The following PLPP4 variants were observed in gnomAD, a reference collection of about 807,000 sequenced individuals.
The protein encoded by PLPP4 is diacylglycerol pyrophosphate like 2.
PLPP4 carries 20 observed loss-of-function variants against 32.2 expected under a neutral mutation model. That is an observed-to-expected ratio of 0.62 (90% CI 0.44 to 0.90). The LOEUF is 0.90. PLPP4 is among the 40% of genes least tolerant of loss of function. The pLI is 0.00. For missense variants in PLPP4, 257 were observed against 353.1 expected (o/e 0.73, Z 2.18); for synonymous variants, 127 against 133.0 (o/e 0.95, Z 0.31).
At chr10:120,497,570 C>T (rs1260754015) in intron 1 of PLPP4, among the ~76,000 whole-genome samples, 1 of 152,088 alleles carries the variant, frequency 6.6e-6, no homozygotes, top group Admixed American at 6.5e-5. Flanking sequence ...AATTGCTTGG[C>T]ATAAAGTTAG....
chr10:120,509,527 T>TA (rs1319641025), intron 2 of PLPP4, among the ~76,000 whole-genome samples: 1 of 152,190 alleles, frequency 6.6e-6, no homozygotes, highest in South Asian at 2.1e-4. Context: ...GTTCAATATA[T>TA]AATCTCTGCC....
At position 120,522,887 on chromosome 10, in the gene PLPP4, CA is replaced by C. The variant is rs201534540; in HGVS notation, c.445+1798del. 4.7e-3 allele frequency among the ~76,000 whole-genome samples: 716 copies of C among 151,886 alleles called. 4 individuals carry two copies. Among genetic ancestry groups the C allele is most frequent in the African/African-American group, 0.016 (678 of 41,442 alleles). On this transcript the variant is annotated intron_variant, in intron 5 of 6. Transcript: ENST00000398250. The stretch of plus-strand genomic sequence containing the variant: ...AAAGAATGAACACTGTTTTACATGC[CA>C]AAAAAGAAAAAGGAAAAGTAAAAGG...
chr10:120,539,471 T>C (rs1002218393), intron 5 of PLPP4, among the ~76,000 whole-genome samples: 1 of 152,166 alleles, frequency 6.6e-6, no homozygotes, highest in Non-Finnish European at 1.5e-5. Context: ...ATTCCCTCTC[T>C]GCCTTCCCAG....
Position 120,503,897 on chromosome 10 carries a change from T to G in PLPP4, c.136T>G (p.Ser46Ala). ...GCTCTATAAAAATCCTTTGGTGCAA[T>G]CAGATAACATACCTACCCGCCTCAT... ...IWLYKNPLVQ[S>A]DNIPTRLMFA... The change falls in exon 2 of 7, where the codon TCA (serine) becomes GCA (alanine). Residue 46 changes from serine to alanine, a missense_variant. Transcript: ENST00000398250. 6.2e-7 allele frequency: 1 copy of G among 1,612,152 alleles called. No individual in the cohort carries two copies.
chr10:120,472,178 T>C lies in PLPP4; in HGVS notation c.56+14817T>C, dbSNP rs993830557. 2.6e-5 allele frequency among the ~76,000 whole-genome samples: 4 copies of C among 152,256 alleles called. No homozygotes were observed. The East Asian group carries it at 7.7e-4, about 29-fold the overall frequency. On this transcript the variant is annotated intron_variant, in intron 1 of 6. Transcript: ENST00000398250. ...AACATATTTATCATTCTCAATGTTC[T>C]TTATCAGTTCGGTTAGATTTGGTTT...
intron 5 of PLPP4, among the ~76,000 whole-genome samples, chr10:120,552,004 A>C (rs1206421535): frequency 6.6e-6 from 1 of 152,090 alleles, no homozygotes; most frequent in Admixed American, 6.6e-5. Context: ...CCAAAACCCA[A>C]GTGTGTCTTA....
intron 5 of PLPP4, among the ~76,000 whole-genome samples, chr10:120,545,955 C>G (rs972062458): frequency 6.6e-6 from 1 of 152,130 alleles, no homozygotes; most frequent in African/African-American, 2.4e-5. Flanking sequence ...GTTGAGTCTT[C>G]CAGCCTTTAT....
chr10:120,526,993 G>A (rs1846423372), intron 5 of PLPP4, among the ~76,000 whole-genome samples: 3 of 152,096 alleles, frequency 2.0e-5, no homozygotes, highest in Admixed American at 2.0e-4. Context: ...AGAGTGATGT[G>A]GTGTTCAGGT....
chr10:120,457,158 T>C (rs997042584), upstream of PLPP4: 2 of 368,272 alleles, frequency 5.4e-6, no homozygotes, highest in Non-Finnish European at 8.6e-6. Flanking sequence ...CCCCGGCGCC[T>C]GCCCCCGCCC....
At chr10:120,517,429 C>T (rs1477243455) in intron 3 of PLPP4, among the ~76,000 whole-genome samples, 1 of 152,212 alleles carries the variant, frequency 6.6e-6, no homozygotes, top group Non-Finnish European at 1.5e-5. Context: ...GGGAAGCTGG[C>T]ATTTGAGGAA....
intron 5 of PLPP4, among the ~76,000 whole-genome samples, chr10:120,556,529 G>T (rs1406320653): frequency 6.6e-6 from 1 of 152,186 alleles, no homozygotes; most frequent in Non-Finnish European, 1.5e-5. Flanking sequence ...CATGATAGAA[G>T]AAATGCAGAA....
chr10:120,497,651 T>C (rs888809856), intron 1 of PLPP4, among the ~76,000 whole-genome samples: 9 of 152,132 alleles, frequency 5.9e-5, no homozygotes, highest in African/African-American at 1.7e-4. Context: ...GTGAATGTGT[T>C]TTAAGGTCTT....
intron 1 of PLPP4, among the ~76,000 whole-genome samples, chr10:120,498,668 CT>C (rs1225631831): frequency 5.7e-5 from 7 of 122,934 alleles, no homozygotes; most frequent in East Asian, 2.4e-4. Context: ...TTTTTTTTTT[CT>C]TTTTTTTTTG....
At chr10:120,485,024 C>T (rs1198437457) in intron 1 of PLPP4, among the ~76,000 whole-genome samples, 1 of 152,194 alleles carries the variant, frequency 6.6e-6, no homozygotes, top group Non-Finnish European at 1.5e-5. Flanking sequence ...ATGAGGGCAG[C>T]CTCTAGATGC....
intron 1 of PLPP4, among the ~76,000 whole-genome samples, chr10:120,478,471 A>G (rs979163269): frequency 3.9e-5 from 6 of 152,210 alleles, no homozygotes; most frequent in South Asian, 2.1e-4. Context: ...CTATTTGGTA[A>G]AATTATGAAA....
Position 120,589,767 on chromosome 10 carries a change from C to A in PLPP4, c.*265C>A. ...TGGGGTTTGGGGAGCTTGGCCGATT[C>A]GTCTATCTGAAATGTTTGCTGTAAC... On this transcript the variant is annotated 3_prime_UTR_variant, in exon 7 of 7. Transcript: ENST00000398250. 2 of 414,688 alleles carry A rather than the reference C, an allele frequency of 4.8e-6. No homozygotes were observed. The highest frequency in any genetic ancestry group is 3.9e-5 in the East Asian group (1 of 25,420). The allele number at this position is 414,688 out of a possible 1,614,324, so 25.7% of individuals were successfully genotyped here.
chr10:120,457,110 G>C, upstream of PLPP4: 1 of 236,754 alleles, frequency 4.2e-6, no homozygotes, highest in East Asian at 9.5e-5. Flanking sequence ...GCTTCCCGGA[G>C]CCCCGGAGCC....
intron 5 of PLPP4, among the ~76,000 whole-genome samples, chr10:120,545,308 G>GT (rs1156803354): frequency 6.6e-6 from 1 of 152,090 alleles, no homozygotes; most frequent in Non-Finnish European, 1.5e-5. Flanking sequence ...AATGATTTTT[G>GT]TTTTTTTCCC....
chr10:120,520,849 A>G, intron 4 of PLPP4, 122 bp from the exon 5 acceptor site: 2 of 1,184,138 alleles, frequency 1.7e-6, no homozygotes, highest in Non-Finnish European at 2.4e-6. Context: ...GAGGAGCTCC[A>G]GTGTTGACAG....
Sources: allele counts gnomAD v4.1 joint callset (sites outside exome capture counted in the v4.1 genomes callset), GRCh38; gene constraint gnomAD v4.1.1; transcripts MANE v1.5; gene names NCBI Gene and HGNC (gene_info 2026-07-23, HGNC 2026-07-21).